Variants in SIX2 observed in about 807,000 individuals in gnomAD.
SIX2 encodes homeobox protein SIX2.
SIX2 carries 20 observed loss-of-function variants against 22.8 expected under a neutral mutation model. The ratio of observed to expected loss-of-function variants is 0.88; its 90% CI spans 0.62 to 1.28. The LOEUF (loss-of-function observed/expected upper bound fraction) is 1.28. SIX2 is among the 50% of genes most tolerant of loss of function. The pLI is 0.00. For synonymous variants in SIX2, 195 were observed against 186.4 expected (o/e 1.05, Z -0.37); for missense variants, 360 against 400.0 (o/e 0.90, Z 0.85).
rs1667811317 is a variant in SIX2 at position 45,008,551 on chromosome 2, C to G, written c.560G>C (p.Arg187Thr). 1 of 1,613,410 alleles carries G rather than the reference C, an allele frequency of 6.2e-7. No individual in the cohort carries two copies. Among genetic ancestry groups the G allele is most frequent in the African/African-American group, 1.3e-5 (1 of 74,950 alleles). Residue 187 changes from arginine (R) to threonine (T), a missense_variant and splice_region_variant, in exon 1 of 2, where the codon AGG becomes ACG. Physicochemically the swap from Arg to Thr is moderately conservative, Grantham distance 71. Around this residue, in one of 3 missense-constraint regions of SIX2, gnomAD observed 235 missense variants for 231.9 expected, o/e 1.01. Coordinates refer to ENST00000303077, the MANE Select transcript of SIX2 (RefSeq NM_016932.5). The stretch of plus-strand genomic sequence containing the variant: ...CCGAAGAAGGTCTACTTACTCGTAC[C>G]TTTCCTTGGCCTCGGCCGCCCGGTC... Reference protein sequence around the residue: ...QRDRAAEAKERENNENSNSNS... With the variant: ...QRDRAAEAKETENNENSNSNS...
rs1667832527 is a variant in SIX2, at chr2:45,009,343, A to AGCCCGGGGGCC, written c.-244_-234dup. The AGCCCGGGGGCC allele has an allele frequency of 5.2e-6, 1 of 194,052 alleles. No individual in the cohort carries two copies. Among genetic ancestry groups the AGCCCGGGGGCC allele is most frequent in the African/African-American group, 2.4e-5 (1 of 41,612 alleles). 12.0% of individuals were successfully genotyped at this position (194,052 alleles called of 1,614,324 possible). A position where few individuals can be genotyped will look rare whatever the true frequency, so the allele number is the denominator to read the frequency against. ...CGCGCCTGGCCCAAGCCCTCGCCCA[A>AGCCCGGGGGCC]GCCCGGGGGCCGCCCGGGGCGCCGC... is the stretch of plus-strand genomic sequence containing the variant. On this transcript the variant is annotated 5_prime_UTR_variant, in exon 1 of 2. It removes the in-frame stop codon of an upstream open reading frame in the 5' UTR. Coordinates refer to ENST00000303077, the MANE Select transcript of SIX2 (RefSeq NM_016932.5).
chr2:45,007,165 G>A lies in SIX2; in HGVS notation c.561-680C>T, dbSNP rs79083854. ...GGTGGTACAGTGAAAACGTCAGCTC[G>A]GAGACCAGAAGCTTGGGGGATAAAG... On this transcript the variant is annotated intron_variant, in intron 1 of 1. Transcript: ENST00000303077. Among the ~76,000 whole-genome samples, 248 of 152,310 alleles carry A rather than the reference G, an allele frequency of 1.6e-3. 1 individual carries two copies. Among genetic ancestry groups the A allele is most frequent in the Non-Finnish European group, 2.7e-3 (183 of 68,024 alleles).
At position 45,006,324 on chromosome 2, in the gene SIX2, G is replaced by A. The variant is rs147806994; in HGVS notation, c.722C>T (p.Pro241Leu). The A allele has an allele frequency of 2.4e-3, 3,919 of 1,613,938 alleles. 21 individuals are homozygous for A. Among genetic ancestry groups the A allele is most frequent in the Non-Finnish European group, 2.8e-3 (3,263 of 1,179,834 alleles). The change falls in exon 2 of 2, where the codon CCG becomes CTG. Residue 241 changes from proline (P) to leucine (L), a missense_variant. Coordinates refer to ENST00000303077, the MANE Select transcript of SIX2 (RefSeq NM_016932.5). This position sits in a 1 kb window ranked among gnomAD's most constrained non-coding sequence, Gnocchi z 4.2. ...AGGGTGGCCCAGGCTGTGCAGGGAC[G>A]GCAGCCCAGGGGGCGGCGGGCTGAG... ...LLLSPPPPGL[P>L]SLHSLGHPPG...
intron 1 of SIX2, among the ~76,000 whole-genome samples, chr2:45,007,665 C>A (rs1465784935): frequency 6.6e-6 from 1 of 152,098 alleles, no homozygotes; most frequent in South Asian, 2.1e-4. Context: ...TTGCTCTTAC[C>A]CCGGGCTGGA....
Position 45,008,806 on chromosome 2 carries a change from G to T in SIX2, c.305C>A (p.Pro102His). 6.2e-7 allele frequency: 1 copy of T among 1,613,860 alleles called. No individual in the cohort carries two copies. The highest frequency in any genetic ancestry group is 8.5e-7 in the Non-Finnish European group (1 of 1,179,954). ...GCGGTATTTGCCCACGGCGCCCAGG[G>T]GTCGGCCGCGCAGCTTCTCCGCCTC... ...YIEAEKLRGR[P>H]LGAVGKYRVR... is the part of the protein sequence containing the mutation. Residue 102 changes from proline to histidine, a missense_variant, in exon 1 of 2, where the codon CCC (proline) becomes CAC (histidine). This residue lies in a region of SIX2 where 118 missense variants were observed against 135.1 expected (regional missense o/e 0.87). Coordinates refer to ENST00000303077, the MANE Select transcript of SIX2 (RefSeq NM_016932.5).
In SIX2 at chr2:45,006,910, A is replaced by C. The variant is rs113046677; in HGVS notation, c.561-425T>G. On this transcript the variant is annotated intron_variant, in intron 1 of 1. Coordinates refer to ENST00000303077, the MANE Select transcript of SIX2 (RefSeq NM_016932.5). The surrounding 1 kb of genome is among the most constrained non-coding windows in gnomAD (Gnocchi z 4.2). ...TCCACAAGCCAGGTTTGCTGGGTAG[A>C]TGTGGGGCTAGCAGGTTAAGGAACC... Among the ~76,000 whole-genome samples the C allele has an allele frequency of 3.7e-4, 57 of 152,262 alleles. 1 individual carries two copies. Among genetic ancestry groups the C allele is most frequent in the African/African-American group, 1.1e-3 (47 of 41,552 alleles).
Position 45,005,745 on chromosome 2 carries a change from T to G in SIX2, c.*425A>C. 6.4e-6 allele frequency: 2 copies of G among 311,070 alleles called. No homozygotes were observed. Among genetic ancestry groups the G allele is most frequent in the Non-Finnish European group, 1.2e-5 (2 of 162,148 alleles). 19.3% of individuals were successfully genotyped at this position (311,070 alleles called of 1,614,324 possible). A position where few individuals can be genotyped will look rare whatever the true frequency, so the allele number is the denominator to read the frequency against. ...GAAAGGGAGAGACAGAAGGAGAGAA[T>G]GAACGGTGGCAAGCTAGAAATCTAG... On this transcript the variant is annotated 3_prime_UTR_variant, in exon 2 of 2. Transcript: ENST00000303077.
chr2:45,006,149 G>A lies in SIX2; in HGVS notation c.*21C>T. 6.2e-7 allele frequency: 1 copy of A among 1,613,616 alleles called. No individual in the cohort carries two copies. The highest frequency in any genetic ancestry group is 8.5e-7 in the Non-Finnish European group (1 of 1,179,472). On this transcript the variant is annotated 3_prime_UTR_variant, in exon 2 of 2. Transcript: ENST00000303077. This position sits in a 1 kb window ranked among gnomAD's most constrained non-coding sequence, Gnocchi z 4.2. ...CCCAGTGTCAAGTCACAAAAGGCAAGCTCATCAAGGCAAATGGGTTCTAGG... is the reference window on the plus strand; with the variant it reads ...CCCAGTGTCAAGTCACAAAAGGCAAACTCATCAAGGCAAATGGGTTCTAGG...
At position 45,008,646 on chromosome 2, in the gene SIX2, A is replaced by T. The variant is rs1667813778; in HGVS notation, c.465T>A (p.Arg155=). 1 of 1,613,876 alleles carries T rather than the reference A, an allele frequency of 6.2e-7. No homozygotes were observed. The highest frequency in any genetic ancestry group is 8.5e-7 in the Non-Finnish European group (1 of 1,179,946). Residue 155 remains arginine, a synonymous_variant, in exon 1 of 2, where the codon CGT becomes CGA. Coordinates refer to ENST00000303077, the MANE Select transcript of SIX2 (RefSeq NM_016932.5). ...TGAGGCCCGTGGCCTCCGCCAGCTC[A>T]CGCTTCTCGCGGGGTGAAGGGTAGG... ...HNPYPSPREK[R]ELAEATGLTT...
In SIX2 at chr2:45,006,062, G is replaced by T; in HGVS notation, c.*108C>A. 2 of 1,187,284 alleles carry T rather than the reference G, an allele frequency of 1.7e-6. No individual in the cohort carries two copies. The highest frequency in any genetic ancestry group is 2.5e-6 in the Non-Finnish European group (2 of 790,740). The allele number at this position is 1,187,284 out of a possible 1,614,324, so 73.5% of individuals were successfully genotyped here. ...GCTGTTCTACCCGCTCAGCCTGCGG[G>T]TCTTTCAGTACCTGGTGGGGCCGCA... On this transcript the variant is annotated 3_prime_UTR_variant, in exon 2 of 2. Coordinates refer to ENST00000303077, the MANE Select transcript of SIX2 (RefSeq NM_016932.5). The surrounding 1 kb of genome is among the most constrained non-coding windows in gnomAD (Gnocchi z 4.2).
In SIX2 at chr2:45,006,426, G is replaced by T; in HGVS notation, c.620C>A (p.Ser207Ter). ...CTCATCCTCCGAGCTGCCTAACACC[G>T]ACTTGCCGCTGCCATTCAGCGGGTT... ...SHNPLNGSGK[S>*]VLGSSEDEKT... is the part of the protein sequence containing the mutation. The change falls in exon 2 of 2, where the codon TCG becomes TAG. Residue 207 changes from serine (S) to a stop codon, truncating the protein, a stop_gained. Transcript: ENST00000303077. LOFTEE classifies it high-confidence loss of function. This position sits in a 1 kb window ranked among gnomAD's most constrained non-coding sequence, Gnocchi z 4.2. The T allele has an allele frequency of 6.2e-7, 1 of 1,614,154 alleles. No individual in the cohort carries two copies. The highest frequency in any genetic ancestry group is 1.1e-5 in the South Asian group (1 of 91,074).
rs772268991 is a variant in SIX2 at position 45,006,123 on chromosome 2, C to T, written c.*47G>A. On this transcript the variant is annotated 3_prime_UTR_variant, in exon 2 of 2. Coordinates refer to ENST00000303077, the MANE Select transcript of SIX2 (RefSeq NM_016932.5). The surrounding 1 kb of genome is among the most constrained non-coding windows in gnomAD (Gnocchi z 4.2). The stretch of plus-strand genomic sequence containing the variant: ...GCCCCTGGACACCGCCACTCCACGT[C>T]CCCAGTGTCAAGTCACAAAAGGCAA... 2 of 1,600,182 alleles carry T rather than the reference C, an allele frequency of 1.2e-6. No individual in the cohort carries two copies. Among genetic ancestry groups the T allele is most frequent in the Middle Eastern group, 1.7e-4 (1 of 6,046 alleles).
In SIX2 at chr2:45,006,147, A is replaced by G. The variant is rs1667750263; in HGVS notation, c.*23T>C. On this transcript the variant is annotated 3_prime_UTR_variant, in exon 2 of 2. Transcript: ENST00000303077. The surrounding 1 kb of genome is among the most constrained non-coding windows in gnomAD (Gnocchi z 4.2). ...TCCCCAGTGTCAAGTCACAAAAGGC[A>G]AGCTCATCAAGGCAAATGGGTTCTA... The G allele has an allele frequency of 6.2e-7, 1 of 1,613,538 alleles. No homozygotes were observed. The highest frequency in any genetic ancestry group is 1.7e-5 in the Admixed American group (1 of 60,016).
Position 45,005,392 on chromosome 2 carries a change from G to A in SIX2, c.*778C>T, listed in dbSNP as rs1390982995. The A allele has an allele frequency of 5.3e-5, 8 of 151,604 alleles. No individual in the cohort carries two copies. The highest frequency in any genetic ancestry group is 1.0e-4 in the Non-Finnish European group (7 of 67,926). 9.4% of individuals were successfully genotyped at this position (151,604 alleles called of 1,614,324 possible). On this transcript the variant is annotated 3_prime_UTR_variant, in exon 2 of 2. Coordinates refer to ENST00000303077, the MANE Select transcript of SIX2 (RefSeq NM_016932.5). ...GGCCTCGCCAAGAGAGAAGGAGGAG[G>A]GGCGTATGACGAGGCGGCGTTTAGG...
Position 45,006,150 on chromosome 2 carries a change from C to G in SIX2, c.*20G>C. On this transcript the variant is annotated 3_prime_UTR_variant, in exon 2 of 2. Transcript: ENST00000303077. The surrounding 1 kb of genome is among the most constrained non-coding windows in gnomAD (Gnocchi z 4.2). ...CCAGTGTCAAGTCACAAAAGGCAAG[C>G]TCATCAAGGCAAATGGGTTCTAGGA... is the stretch of plus-strand genomic sequence containing the variant. 1.9e-6 allele frequency: 3 copies of G among 1,613,886 alleles called. No homozygotes were observed. Among genetic ancestry groups the G allele is most frequent in the African/African-American group, 2.7e-5 (2 of 75,056 alleles).
chr2:45,008,452 G>A (rs1321598555), intron 1 of SIX2, 99 bp downstream of exon 1: 1 of 1,324,088 alleles, frequency 7.6e-7, no homozygotes. Context: ...CGGGCCTGGG[G>A]GCCCAGTTTA....
Position 45,006,444 on chromosome 2 carries a change from A to T in SIX2, c.602T>A (p.Leu201Gln). 6.2e-7 allele frequency: 1 copy of T among 1,614,056 alleles called. No individual in the cohort carries two copies. The highest frequency in any genetic ancestry group is 8.5e-7 in the Non-Finnish European group (1 of 1,180,014). The part of the protein sequence containing the change: ...ENSNSNSHNP[L>Q]NGSGKSVLGS... ...TAACACCGACTTGCCGCTGCCATTC[A>T]GCGGGTTGTGGCTGTTAGAATTGGA... is the stretch of plus-strand genomic sequence containing the variant. Residue 201 changes from leucine (L) to glutamine (Q), a missense_variant, in exon 2 of 2, where the codon CTG becomes CAG. Physicochemically the swap from Leu to Gln is moderately radical, Grantham distance 113. This residue lies in a region of SIX2 where 235 missense variants were observed against 231.9 expected (regional missense o/e 1.01). Transcript: ENST00000303077. The surrounding 1 kb of genome is among the most constrained non-coding windows in gnomAD (Gnocchi z 4.2).
At position 45,006,558 on chromosome 2, in the gene SIX2, C is replaced by T; in HGVS notation, c.561-73G>A. The T allele has an allele frequency of 7.0e-7, 1 of 1,425,408 alleles. No homozygotes were observed. The highest frequency in any genetic ancestry group is 9.8e-7 in the Non-Finnish European group (1 of 1,020,498). The allele number at this position is 1,425,408 out of a possible 1,614,324, so 88.3% of individuals were successfully genotyped here. A position where few individuals can be genotyped will look rare whatever the true frequency, so the allele number is the denominator to read the frequency against. ...CACCCAGCGCCATCTCAGTCACAGT[C>T]AGAGCCAGCCACCAGCCTCGGGAGA... On this transcript the variant is annotated intron_variant, in intron 1 of 1. Transcript: ENST00000303077. This position sits in a 1 kb window ranked among gnomAD's most constrained non-coding sequence, Gnocchi z 4.2.
Position 45,005,954 on chromosome 2 carries a change from C to T in SIX2, c.*216G>A, listed in dbSNP as rs1667745626. 3.1e-6 allele frequency: 2 copies of T among 649,610 alleles called. No individual in the cohort carries two copies. The highest frequency in any genetic ancestry group is 5.6e-6 in the Non-Finnish European group (2 of 355,448). 40.2% of individuals were successfully genotyped at this position (649,610 alleles called of 1,614,324 possible). A position where few individuals can be genotyped will look rare whatever the true frequency, so the allele number is the denominator to read the frequency against. ...CTTCTGTGGTTCAAGACTCAGTCTCCAGCCCCAAAAGGATCCTAAAAGTAA... is the reference window on the plus strand; with the variant it reads ...CTTCTGTGGTTCAAGACTCAGTCTCTAGCCCCAAAAGGATCCTAAAAGTAA... On this transcript the variant is annotated 3_prime_UTR_variant, in exon 2 of 2. Coordinates refer to ENST00000303077, the MANE Select transcript of SIX2 (RefSeq NM_016932.5).
Sources: allele counts gnomAD v4.1 joint callset (sites outside exome capture counted in the v4.1 genomes callset), GRCh38; gene constraint gnomAD v4.1.1; regional missense constraint gnomAD v4.1.1; non-coding constraint Gnocchi (gnomAD v3.1); transcripts MANE v1.5; gene names NCBI Gene and HGNC (gene_info 2026-07-23, HGNC 2026-07-21).